FHIT: variants seen among roughly 807,000 people sequenced by gnomAD.
FHIT encodes the protein bis(5'-adenosyl)-triphosphatase.
FHIT carries 19 observed loss-of-function variants against 17.9 expected under a neutral mutation model. The observed-to-expected ratio is 1.06, with a 90% CI of 0.74 to 1.56. FHIT has a LOEUF of 1.56. Among genes scored for constraint, FHIT ranks in the 40% most tolerant of loss-of-function variants. The pLI is 0.00. For synonymous variants in FHIT, 81 were observed against 69.7 expected (o/e 1.16, Z -0.81); for missense variants, 248 against 189.2 (o/e 1.31, Z -1.82).
chr3:60,312,383 C>A (rs1032422548), intron 5 of FHIT, among the ~76,000 whole-genome samples: 5 of 152,202 alleles, frequency 3.3e-5, no homozygotes, highest in Non-Finnish European at 5.9e-5. Context: ...CACAAGTGAT[C>A]CTCCTTGCCT....
chr3:60,161,303 A>G (rs1700927573), intron 5 of FHIT, among the ~76,000 whole-genome samples: 1 of 152,252 alleles, frequency 6.6e-6, no homozygotes, highest in Admixed American at 6.5e-5. Flanking sequence ...CGAAGCTTGT[A>G]AAAGCAAAAC....
rs1380402891 is a variant in FHIT, at chr3:60,029,889, GTGTGTGTC to G, written c.104-15745_104-15738del. ...GTCCTCATAGAAGCATTGTGTGTGT[GTGTGTGTC>G]TGTGTGTGTGTGTGTGTGTGTGTGT... On this transcript the variant is annotated intron_variant, in intron 5 of 9. Transcript: ENST00000492590. Among the ~76,000 whole-genome samples the G allele has an allele frequency of 3.8e-3, 348 of 92,546 alleles. 2 individuals are homozygous for G. The highest frequency in any genetic ancestry group is 0.012 in the African/African-American group (340 of 28,606). The allele number at this position is 92,546 out of a possible 152,430, so 60.7% of individuals were successfully genotyped here.
rs1042766716 is a variant in FHIT at position 60,315,474 on chromosome 3, A to G, written c.103+221386T>C. ...CATCCTACCCCCACACAAATAAGAAACCAGTATCCTAGCTTCTATTATGAT... is the reference window on the plus strand; with the variant it reads ...CATCCTACCCCCACACAAATAAGAAGCCAGTATCCTAGCTTCTATTATGAT... On this transcript the variant is annotated intron_variant, in intron 5 of 9. Transcript: ENST00000492590. Among the ~76,000 whole-genome samples the G allele has an allele frequency of 3.3e-5, 5 of 152,040 alleles. No homozygotes were observed. The East Asian group carries it at 9.7e-4, about 29-fold the overall frequency.
At chr3:60,880,529 T>C (rs1238883682) in intron 3 of FHIT, among the ~76,000 whole-genome samples, 1 of 152,200 alleles carries the variant, frequency 6.6e-6, no homozygotes, top group East Asian at 1.9e-4. Context: ...GGTTGGGAGT[T>C]CAAGACCAGC....
At chr3:61,058,380 C>T (rs2034302081) in intron 2 of FHIT, among the ~76,000 whole-genome samples, 1 of 152,164 alleles carries the variant, frequency 6.6e-6, no homozygotes, top group Non-Finnish European at 1.5e-5. Context: ...ATTCCCCTCC[C>T]CAATATAGTT....
At chr3:59,829,120 A>G (rs1701077489) in intron 8 of FHIT, among the ~76,000 whole-genome samples, 1 of 152,198 alleles carries the variant, frequency 6.6e-6, no homozygotes, top group Non-Finnish European at 1.5e-5. Context: ...AATTACAATA[A>G]TCACTCTAGT....
intron 5 of FHIT, chr3:60,077,374 T>G (rs1212582060): frequency 6.6e-6 from 1 of 152,022 alleles, no homozygotes; most frequent in Non-Finnish European, 1.5e-5. Flanking sequence ...GCATACCTGA[T>G]GTCCAGATCT....
intron 5 of FHIT, among the ~76,000 whole-genome samples, chr3:60,307,026 C>T (rs889784267): frequency 6.6e-6 from 1 of 152,086 alleles, no homozygotes; most frequent in Admixed American, 6.6e-5. Context: ...ATTCTTTAGA[C>T]TTCCACATTA....
chr3:60,508,481 A>T (rs1265025043), intron 5 of FHIT, among the ~76,000 whole-genome samples: 2 of 152,158 alleles, frequency 1.3e-5, no homozygotes, highest in African/African-American at 4.8e-5. Flanking sequence ...TGTGAGCATA[A>T]ATGATGTTTG....
chr3:60,711,997 GA>G (rs2041547539), intron 4 of FHIT, among the ~76,000 whole-genome samples: 1 of 152,108 alleles, frequency 6.6e-6, no homozygotes, highest in South Asian at 2.1e-4. Context: ...TGAAATGAAG[GA>G]AAAAATGTTA....
At chr3:61,099,632 T>C (rs1450628991) in intron 2 of FHIT, among the ~76,000 whole-genome samples, 1 of 152,176 alleles carries the variant, frequency 6.6e-6, no homozygotes, top group Non-Finnish European at 1.5e-5. Context: ...TTCTTCCTGA[T>C]TCAGTCTTGG....
chr3:60,181,814 A>G (rs938171716), intron 5 of FHIT, among the ~76,000 whole-genome samples: 6 of 152,154 alleles, frequency 3.9e-5, no homozygotes, highest in African/African-American at 1.4e-4. Context: ...TGACAGTTAT[A>G]TCCTTCATAT....
At chr3:61,021,968 T>A (rs1363229832) in intron 3 of FHIT, among the ~76,000 whole-genome samples, 1 of 151,932 alleles carries the variant, frequency 6.6e-6, no homozygotes, top group Non-Finnish European at 1.5e-5. Context: ...ATTCAAAAGC[T>A]AGCAGAAGAC....
At chr3:60,011,272 A>G (rs1700126500) in intron 7 of FHIT, 99 bp downstream of exon 7, 21 of 1,131,898 alleles carry the variant, frequency 1.9e-5, no homozygotes, top group Non-Finnish European at 2.7e-5. Context: ...CGAAGATAAC[A>G]TAATGAAACA....
intron 1 of FHIT, among the ~76,000 whole-genome samples, chr3:61,231,600 T>C (rs1177322540): frequency 1.3e-5 from 2 of 152,214 alleles, no homozygotes; most frequent in African/African-American, 4.8e-5. Context: ...CTGTGCTTTA[T>C]ACATAGCATA....
At chr3:60,304,959 T>C (rs750432069) in intron 5 of FHIT, among the ~76,000 whole-genome samples, 20 of 152,164 alleles carry the variant, frequency 1.3e-4, no homozygotes, top group Non-Finnish European at 1.8e-4. Context: ...GCTTTCCTAC[T>C]ACCCAGTCTG....
chr3:60,664,808 C>G (rs1264474292), intron 4 of FHIT, among the ~76,000 whole-genome samples: 2 of 151,106 alleles, frequency 1.3e-5, no homozygotes, highest in Non-Finnish European at 3.0e-5. Context: ...TTAGTGACCA[C>G]AGGATCTGTA....
chr3:59,894,970 T>G (rs146563529), intron 8 of FHIT, among the ~76,000 whole-genome samples: 18 of 152,330 alleles, frequency 1.2e-4, no homozygotes, highest in African/African-American at 3.6e-4. Context: ...TTGGCTACAC[T>G]GTCATCAGAC....
intron 5 of FHIT, among the ~76,000 whole-genome samples, chr3:60,534,454 A>AAAAAAAAAAG (rs2035908675): frequency 1.4e-5 from 2 of 144,256 alleles, no homozygotes; most frequent in African/African-American, 5.1e-5. Flanking sequence ...AAAAAAAAAA[A>AAAAAAAAAAG]AAAAAAAAAG....
Sources: gnomAD v4.1 joint callset for allele counts (sites outside exome capture counted in the v4.1 genomes callset) on GRCh38, gnomAD v4.1.1 for gene constraint, MANE v1.5 for transcripts, NCBI Gene and HGNC (gene_info 2026-07-23, HGNC 2026-07-21) for gene names.